Variants in HMCN1 observed in about 807,000 individuals in gnomAD.
HMCN1 encodes hemicentin-1.
A neutral mutation model predicts 625.9 loss-of-function variants in HMCN1; 321 were observed. That is an observed-to-expected ratio of 0.51 (90% confidence interval 0.47 to 0.56). The LOEUF (loss-of-function observed/expected upper bound fraction) is 0.56, where lower values mean the gene tolerates loss of function less well. Ranked by LOEUF, HMCN1 falls within the 20% of genes least tolerant of loss-of-function variation. The pLI, the probability that HMCN1 is intolerant of heterozygous loss-of-function variation, is 0.00. For missense variants in HMCN1, 6,588 were observed against 6,887.3 expected (o/e 0.96, Z 1.54); for synonymous variants, 2,425 against 2,417.6 (o/e 1.00, Z -0.09).
intron 1 of HMCN1, among the ~76,000 whole-genome samples, chr1:185,793,932 A>G (rs1455946589): frequency 2.0e-5 from 3 of 152,172 alleles, no homozygotes; most frequent in Non-Finnish European, 4.4e-5. Context: ...TTTACTAAGA[A>G]CTATCAGAAA....
intron 104 of HMCN1, among the ~76,000 whole-genome samples, chr1:186,179,322 T>G (rs937408229): frequency 1.3e-5 from 2 of 152,208 alleles, no homozygotes; most frequent in Non-Finnish European, 2.9e-5. Context: ...ATTAAGTTGT[T>G]TCTATCACTC....
chr1:185,796,374 C>A (rs1658376449), intron 1 of HMCN1, among the ~76,000 whole-genome samples: 1 of 152,050 alleles, frequency 6.6e-6, no homozygotes. Flanking sequence ...TGTTGAGGAC[C>A]CCTGGTGTAC....
chr1:186,076,905 CAATAAGAT>C (rs1658849980), intron 54 of HMCN1, among the ~76,000 whole-genome samples: 1 of 151,984 alleles, frequency 6.6e-6, no homozygotes, highest in Admixed American at 6.6e-5. Context: ...TCTTTTAGTG[CAATAAGAT>C]AATCAGTTTG....
chr1:185,807,336 C>T (rs1659232137), intron 1 of HMCN1, among the ~76,000 whole-genome samples: 1 of 152,128 alleles, frequency 6.6e-6, no homozygotes, highest in African/African-American at 2.4e-5. Flanking sequence ...TTTGGAGCAA[C>T]TTAGCTGTTA....
At chr1:185,986,441 GTCT>G (rs572820629) in intron 19 of HMCN1, among the ~76,000 whole-genome samples, 4 of 152,068 alleles carry the variant, frequency 2.6e-5, no homozygotes, top group Non-Finnish European at 5.9e-5. Context: ...GGCTTTTATT[GTCT>G]TCTTCTCACT....
At chr1:185,826,002 AT>A (rs1435827518) in intron 1 of HMCN1, among the ~76,000 whole-genome samples, 3 of 152,180 alleles carry the variant, frequency 2.0e-5, no homozygotes, top group Non-Finnish European at 4.4e-5. Context: ...ATGAGAATTT[AT>A]TTGAGTGGGG....
intron 1 of HMCN1, among the ~76,000 whole-genome samples, chr1:185,842,119 C>T (rs1335935055): frequency 6.6e-6 from 1 of 152,086 alleles, no homozygotes; most frequent in Non-Finnish European, 1.5e-5. Flanking sequence ...TATTTCTGCC[C>T]TTACTACATA....
chr1:185,789,339 G>A (rs576889751), intron 1 of HMCN1, among the ~76,000 whole-genome samples: 1 of 152,318 alleles, frequency 6.6e-6, no homozygotes, highest in South Asian at 2.1e-4. Flanking sequence ...AGGAATCACA[G>A]AGACCCTGGC....
chr1:186,000,189 C>A lies in HMCN1; in HGVS notation c.4019C>A (p.Ala1340Glu). Residue 1340 changes from alanine to glutamate, a missense_variant, in exon 26 of 107, where the codon GCA becomes GAA. Around this residue, in one of 3 missense-constraint regions of HMCN1, gnomAD observed 4,628 missense variants for 4,853.1 expected, o/e 0.95. Coordinates refer to ENST00000271588, the MANE Select transcript of HMCN1 (RefSeq NM_031935.3). ...GACAATGGGGAGTACATCTGTGTGG[C>A]AGTCAATGAAGCTGGAACCACAGAA... is the stretch of plus-strand genomic sequence containing the variant. ...PYDNGEYICV[A>E]VNEAGTTERK... 6.2e-7 allele frequency: 1 copy of A among 1,613,088 alleles called. No individual in the cohort carries two copies. The highest frequency in any genetic ancestry group is 1.7e-5 in the Admixed American group (1 of 59,878).
chr1:186,027,591 G>A (rs1655142770), intron 36 of HMCN1, among the ~76,000 whole-genome samples: 1 of 152,302 alleles, frequency 6.6e-6, no homozygotes. Flanking sequence ...CAGTTATGGA[G>A]GCTGTGTGAG....
At chr1:185,782,926 T>C (rs903237370) in intron 1 of HMCN1, among the ~76,000 whole-genome samples, 5 of 152,222 alleles carry the variant, frequency 3.3e-5, no homozygotes, top group East Asian at 1.9e-4. Context: ...TCCTGGATAA[T>C]ATCCTGCAGA....
At chr1:186,079,856 G>A (rs1659060719) in intron 55 of HMCN1, among the ~76,000 whole-genome samples, 1 of 152,136 alleles carries the variant, frequency 6.6e-6, no homozygotes, top group Non-Finnish European at 1.5e-5. Context: ...TTCTGAGTTA[G>A]GGCTGTTTCA....
intron 37 of HMCN1, among the ~76,000 whole-genome samples, 168 bp downstream of exon 37, chr1:186,038,203 G>T (rs1270924682): frequency 6.6e-6 from 1 of 152,086 alleles, no homozygotes; most frequent in Non-Finnish European, 1.5e-5. Flanking sequence ...TTGAATTTTT[G>T]TTGCCTTTAA....
intron 1 of HMCN1, among the ~76,000 whole-genome samples, chr1:185,782,576 T>C (rs931135821): frequency 2.0e-5 from 3 of 152,238 alleles, no homozygotes; most frequent in Non-Finnish European, 4.4e-5. Flanking sequence ...TGCTTGTCTG[T>C]AAAGTATTTA....
At chr1:185,973,842 C>G (rs191017236) in intron 15 of HMCN1, among the ~76,000 whole-genome samples, 1 of 152,070 alleles carries the variant, frequency 6.6e-6, no homozygotes, top group Non-Finnish European at 1.5e-5. Context: ...GCATTCCATA[C>G]CACACAGGGT....
At chr1:185,902,577 A>G (rs1403371636) in intron 4 of HMCN1, among the ~76,000 whole-genome samples, 1 of 151,722 alleles carries the variant, frequency 6.6e-6, no homozygotes, top group East Asian at 1.9e-4. Flanking sequence ...ATACCTTATT[A>G]AATGTGTGAG....
chr1:185,801,644 G>A (rs1354505598), intron 1 of HMCN1, among the ~76,000 whole-genome samples: 1 of 152,152 alleles, frequency 6.6e-6, no homozygotes, highest in African/African-American at 2.4e-5. Flanking sequence ...TTTCCTAAGG[G>A]GAGTGAAGAC....
Position 185,923,559 on chromosome 1 carries a change from A to C in HMCN1, c.1191A>C (p.Pro397=). ...GIWNISDFVP[P]NEAFFLKVTG... ...GGAATATTTCTGACTTTGTACCACC[A>C]AATGAAGCTTTCTTTCTCAAAGTAA... Residue 397 remains proline (P), a synonymous_variant, in exon 8 of 107, where the codon CCA becomes CCC. Transcript: ENST00000271588. 2 of 1,611,468 alleles carry C rather than the reference A, an allele frequency of 1.2e-6. No individual in the cohort carries two copies. Among genetic ancestry groups the C allele is most frequent in the South Asian group, 2.2e-5 (2 of 91,052 alleles).
At chr1:185,923,068 T>G (rs1667077169) in intron 7 of HMCN1, among the ~76,000 whole-genome samples, 2 of 152,218 alleles carry the variant, frequency 1.3e-5, no homozygotes, top group Non-Finnish European at 2.9e-5. Flanking sequence ...TTCATTTATT[T>G]TTATTGCTGC....
Sources: gnomAD v4.1 joint callset for allele counts (sites outside exome capture counted in the v4.1 genomes callset) on GRCh38, gnomAD v4.1.1 for gene constraint, gnomAD v4.1.1 regional missense constraint, MANE v1.5 for transcripts, NCBI Gene and HGNC (gene_info 2026-07-23, HGNC 2026-07-21) for gene names.